SBF2: variants seen among roughly 807,000 people sequenced by gnomAD.
SBF2 encodes the protein SET binding factor 2.
In SBF2, 112 loss-of-function variants were observed where a neutral mutation model predicts 225.2. The observed-to-expected ratio is 0.50, with a 90% CI of 0.43 to 0.58. The LOEUF is 0.58. Among genes scored for constraint, SBF2 ranks in the 20% least tolerant of loss-of-function variants. The pLI, the probability that SBF2 is intolerant of heterozygous loss-of-function variation, is 0.00. For synonymous variants in SBF2, 763 were observed against 773.3 expected, an observed-to-expected ratio of 0.99 and a Z score of 0.22; for missense variants, 1,996 against 2,206.2, an observed-to-expected ratio of 0.90 and a Z score of 1.91.
At chr11:10,015,456 G>A (rs2403268) in intron 6 of SBF2, among the ~76,000 whole-genome samples, 74,609 of 151,926 alleles carry the variant, frequency 0.49, 18,784 homozygotes, top group Admixed American at 0.56. Context: ...GACTTCTCAC[G>A]TTCCTTGTCT....
At chr11:10,064,654 T>C (rs186458380) in intron 2 of SBF2, among the ~76,000 whole-genome samples, 1 of 152,316 alleles carries the variant, frequency 6.6e-6, no homozygotes, top group East Asian at 1.9e-4. Flanking sequence ...AATATCAACG[T>C]AGATTTCAGA....
At chr11:10,133,562 A>G (rs796569004) in intron 2 of SBF2, among the ~76,000 whole-genome samples, 1 of 119,306 alleles carries the variant, frequency 8.4e-6, no homozygotes, top group South Asian at 2.8e-4. Context: ...TAAGTCCCCC[A>G]TTGCCCAGGG....
intron 9 of SBF2, among the ~76,000 whole-genome samples, 174 bp from the exon 10 acceptor site, chr11:9,994,172 A>G (rs1947564869): frequency 6.6e-6 from 1 of 152,286 alleles, no homozygotes; most frequent in East Asian, 1.9e-4. Flanking sequence ...CCAAGACAAA[A>G]TATTCAGTTG....
chr11:9,839,495 T>C lies in SBF2; in HGVS notation c.3455+3A>G, dbSNP rs765783113. 6.2e-7 allele frequency: 1 copy of C among 1,614,038 alleles called. No homozygotes were observed. Among genetic ancestry groups the C allele is most frequent in the Non-Finnish European group, 8.5e-7 (1 of 1,179,876 alleles). ...TCTTTTTGGAGCCCACTGACACACT[T>C]ACCTCCGGCAGAGTGAATACATCCT... On this transcript the variant is annotated splice_donor_region_variant and intron_variant, in intron 26 of 39. Coordinates refer to ENST00000256190, the MANE Select transcript of SBF2 (RefSeq NM_030962.4).
chr11:10,283,498 T>C (rs1165928266), intron 1 of SBF2, among the ~76,000 whole-genome samples: 3 of 152,140 alleles, frequency 2.0e-5, no homozygotes, highest in Non-Finnish European at 4.4e-5. Flanking sequence ...ACATGTCGAA[T>C]GTTCTCTAAC....
At position 10,244,458 on chromosome 11, in the gene SBF2, T is replaced by C. The variant is rs142094958; in HGVS notation, c.55+49557A>G. ...GGATTTGTTTCTAGGTACTCTATTC[T>C]GCTCCAACAGTCTACAAGTCTGTTT... On this transcript the variant is annotated intron_variant, in intron 1 of 39. Transcript: ENST00000256190. 2.2e-3 allele frequency among the ~76,000 whole-genome samples: 329 copies of C among 152,358 alleles called. 3 individuals carry two copies. Among genetic ancestry groups the C allele is most frequent in the Middle Eastern group, 3.4e-3 (1 of 294 alleles).
At chr11:9,925,959 G>A (rs1410038926) in intron 16 of SBF2, among the ~76,000 whole-genome samples, 1 of 109,528 alleles carries the variant, frequency 9.1e-6, no homozygotes, top group African/African-American at 3.8e-5. Flanking sequence ...TGGAACCAAC[G>A]TGATAACGTT....
intron 2 of SBF2, among the ~76,000 whole-genome samples, chr11:10,090,086 C>A (rs1346600044): frequency 2.6e-5 from 4 of 152,128 alleles, no homozygotes; most frequent in African/African-American, 7.2e-5. Context: ...AGACACAAAA[C>A]AATACATATT....
chr11:10,245,258 T>C (rs912003112), intron 1 of SBF2, among the ~76,000 whole-genome samples: 5 of 151,410 alleles, frequency 3.3e-5, no homozygotes, highest in African/African-American at 1.2e-4. Flanking sequence ...CAAAACCACA[T>C]GGAGGCCTGG....
At chr11:9,794,924 G>A (rs1853025157) in intron 33 of SBF2, among the ~76,000 whole-genome samples, 1 of 152,066 alleles carries the variant, frequency 6.6e-6, no homozygotes. Flanking sequence ...AATTTCAATA[G>A]GATGCCCTGG....
chr11:9,962,396 G>C lies in SBF2; in HGVS notation c.1711-290C>G, dbSNP rs561630325. Reference sequence around the variant, plus strand: ...TTAACAAAACTTTGGTTACCAAATTGACTGTTGCTTCAGATCATGAGTCAA... The same window carrying C: ...TTAACAAAACTTTGGTTACCAAATTCACTGTTGCTTCAGATCATGAGTCAA... On this transcript the variant is annotated intron_variant, in intron 15 of 39. Transcript: ENST00000256190. Among the ~76,000 whole-genome samples the C allele has an allele frequency of 9.9e-5, 15 of 152,184 alleles. No homozygotes were observed. The South Asian group carries it at 3.1e-3, about 32-fold the overall frequency.
intron 25 of SBF2, among the ~76,000 whole-genome samples, chr11:9,840,309 G>C (rs946632435): frequency 1.3e-5 from 2 of 150,720 alleles, no homozygotes; most frequent in Non-Finnish European, 2.9e-5. Flanking sequence ...ACCAAGACAG[G>C]TTTATATTAG....
intron 16 of SBF2, among the ~76,000 whole-genome samples, chr11:9,898,911 A>C (rs17355751): frequency 6.6e-6 from 1 of 152,054 alleles, no homozygotes; most frequent in Non-Finnish European, 1.5e-5. Context: ...AAGGACAGAA[A>C]CTTGGGAAAG....
chr11:10,035,853 C>T (rs113036999), intron 3 of SBF2, among the ~76,000 whole-genome samples: 91 of 152,220 alleles, frequency 6.0e-4, no homozygotes, highest in African/African-American at 1.9e-3. Flanking sequence ...GACAGTGTGG[C>T]GATTCCTTGA....
At chr11:9,943,639 T>C (rs1865408460) in intron 16 of SBF2, among the ~76,000 whole-genome samples, 1 of 152,092 alleles carries the variant, frequency 6.6e-6, no homozygotes, top group South Asian at 2.1e-4. Flanking sequence ...TTCCACTTAT[T>C]AGTCATCAGG....
At chr11:10,104,894 C>G (rs1952482431) in intron 2 of SBF2, among the ~76,000 whole-genome samples, 1 of 152,184 alleles carries the variant, frequency 6.6e-6, no homozygotes, top group Non-Finnish European at 1.5e-5. Context: ...ATTATTTTCT[C>G]TTCTTCACTG....
chr11:9,945,088 G>C (rs1865487478), intron 16 of SBF2, among the ~76,000 whole-genome samples: 1 of 152,076 alleles, frequency 6.6e-6, no homozygotes, highest in Admixed American at 6.6e-5. Flanking sequence ...CTGAGTGACA[G>C]AGCCAAGATT....
intron 1 of SBF2, among the ~76,000 whole-genome samples, chr11:10,250,707 A>C (rs1204209525): frequency 1.3e-5 from 2 of 152,206 alleles, no homozygotes; most frequent in African/African-American, 4.8e-5. Flanking sequence ...ATGGTTCACT[A>C]AGGACAATCA....
chr11:10,079,031 C>T (rs986414239), intron 2 of SBF2, among the ~76,000 whole-genome samples: 6 of 152,038 alleles, frequency 3.9e-5, no homozygotes, highest in African/African-American at 1.2e-4. Flanking sequence ...CAACATACAC[C>T]ACAGATGCAT....
Sources: allele counts gnomAD v4.1 joint callset (sites outside exome capture counted in the v4.1 genomes callset), GRCh38; gene constraint gnomAD v4.1.1; transcripts MANE v1.5; gene names NCBI Gene and HGNC (gene_info 2026-07-23, HGNC 2026-07-21).